The following AR variants were observed in gnomAD, a reference collection of about 807,000 sequenced individuals.
AR encodes androgen receptor.
Under a neutral mutation model 53.9 loss-of-function variants are expected in AR, and 8 were observed. The observed-to-expected ratio is 0.15, with a 90% CI of 0.09 to 0.27. The LOEUF (loss-of-function observed/expected upper bound fraction) is 0.27, where lower values mean the gene tolerates loss of function less well. Among genes scored for constraint, AR ranks in the 10% least tolerant of loss-of-function variants. AR has a pLI of 1.00. For synonymous variants in AR, 359 were observed against 316.4 expected (o/e 1.13, Z -1.43); for missense variants, 639 against 742.5 (o/e 0.86, Z 1.62).
At chrX:67,630,791 C>G (rs1345691869) in intron 1 of AR, among the ~76,000 whole-genome samples, 1 of 110,516 alleles carries the variant, frequency 9.0e-6, no homozygotes, top group Non-Finnish European at 1.9e-5. Flanking sequence ...TCGTTCCTTT[C>G]CATGTTTAGT....
chrX:67,566,842 A>G lies in AR; in HGVS notation c.1616+20080A>G, dbSNP rs1921577990. 2.7e-5 allele frequency among the ~76,000 whole-genome samples: 3 copies of G among 111,403 alleles called. No homozygotes were observed. In the Admixed American group the frequency reaches 2.9e-4, roughly 11 times the overall value. On this transcript the variant is annotated intron_variant, in intron 1 of 7. Coordinates refer to ENST00000374690, the MANE Select transcript of AR (RefSeq NM_000044.6). ...CTTTTTGAGCATTTACCTGTCAGTG[A>G]CAGGTACAATGTTAGATGTTGTCTC...
Position 67,726,732 on chromosome X carries a change from G to A in AR, c.*2891G>A. The A allele has an allele frequency of 5.7e-6, 1 of 175,462 alleles. No individual in the cohort carries two copies. The allele number at this position is 175,462 out of a possible 1,213,427, so 14.5% of individuals were successfully genotyped here. ...CTCTGTTCTCCCATGGATGAAAGGA[G>A]GAGGATTTTTTTTTTCTTTTGGCCA... On this transcript the variant is annotated 3_prime_UTR_variant, in exon 8 of 8. Transcript: ENST00000374690.
chrX:67,718,390 A>AT (rs2076122205), intron 5 of AR, among the ~76,000 whole-genome samples: 1 of 111,286 alleles, frequency 9.0e-6, no homozygotes, highest in South Asian at 3.8e-4. Flanking sequence ...AGTGGCTCAG[A>AT]TTTTGGAATT....
chrX:67,688,487 G>A (rs1057473850), intron 3 of AR, among the ~76,000 whole-genome samples: 1 of 111,499 alleles, frequency 9.0e-6, no homozygotes, highest in African/African-American at 3.3e-5. Flanking sequence ...TAATTTAGCT[G>A]GAAAGTCTGT....
Position 67,723,667 on chromosome X carries a change from C to A in AR, c.2608-19C>A, listed in dbSNP as rs767062888. The A allele has an allele frequency of 8.3e-7, 1 of 1,209,247 alleles. No individual in the cohort carries two copies. Among genetic ancestry groups the A allele is most frequent in the South Asian group, 1.8e-5 (1 of 56,845 alleles). Reference sequence around the variant, plus strand: ...CTCCTTGTCAACCCTGTTTTTCTCCCTCTTATTGTTCCCTACAGATTGCGA... The same window carrying A: ...CTCCTTGTCAACCCTGTTTTTCTCCATCTTATTGTTCCCTACAGATTGCGA... On this transcript the variant is annotated intron_variant, in intron 7 of 7. Transcript: ENST00000374690.
chrX:67,629,727 G>T (rs1291712405), intron 1 of AR, among the ~76,000 whole-genome samples: 2 of 109,120 alleles, frequency 1.8e-5, no homozygotes, highest in Non-Finnish European at 3.8e-5. Context: ...TAATTGTGAT[G>T]TTAGGGTGTC....
At chrX:67,665,371 C>T (rs1157416492) in intron 2 of AR, among the ~76,000 whole-genome samples, 3 of 112,485 alleles carry the variant, frequency 2.7e-5, no homozygotes, top group African/African-American at 6.5e-5. Flanking sequence ...AATGAACTCT[C>T]ATTCATCAAA....
intron 3 of AR, among the ~76,000 whole-genome samples, chrX:67,698,616 A>T (rs2076030524): frequency 8.9e-6 from 1 of 112,791 alleles, no homozygotes; most frequent in Admixed American, 9.4e-5. Flanking sequence ...CTTCACAAAG[A>T]ATTTGTAGCC....
At chrX:67,667,797 T>A (rs944111748) in intron 2 of AR, among the ~76,000 whole-genome samples, 2 of 110,635 alleles carry the variant, frequency 1.8e-5, no homozygotes. Context: ...CTAAGTTTAT[T>A]GCTAGGTATT....
At chrX:67,591,897 G>A (rs1316540511) in intron 1 of AR, among the ~76,000 whole-genome samples, 3 of 111,959 alleles carry the variant, frequency 2.7e-5, no homozygotes, top group Non-Finnish European at 3.8e-5. Context: ...AATGACTAAA[G>A]AACAGTTACC....
chrX:67,593,243 C>T (rs1922917880), intron 1 of AR, among the ~76,000 whole-genome samples: 1 of 111,841 alleles, frequency 8.9e-6, no homozygotes, highest in South Asian at 3.7e-4. Flanking sequence ...GAAACAGACC[C>T]TTATCTTTAC....
At chrX:67,578,133 T>A (rs1248695800) in intron 1 of AR, among the ~76,000 whole-genome samples, 2 of 111,349 alleles carry the variant, frequency 1.8e-5, no homozygotes, top group Non-Finnish European at 3.8e-5. Flanking sequence ...TTGTGTTGTG[T>A]TTTTTTTACT....
chrX:67,609,010 C>T (rs1602189460), intron 1 of AR, among the ~76,000 whole-genome samples: 1 of 110,286 alleles, frequency 9.1e-6, no homozygotes, highest in Middle Eastern at 4.8e-3. Context: ...GTTAAATACT[C>T]AATAGCCACA....
rs192482849 is a variant in AR at position 67,590,565 on chromosome X, G to A, written c.1616+43803G>A. 5.0e-3 allele frequency among the ~76,000 whole-genome samples: 559 copies of A among 112,012 alleles called. 1 individual carries two copies. The highest frequency in any genetic ancestry group is 8.1e-3 in the Non-Finnish European group (431 of 53,178). On this transcript the variant is annotated intron_variant, in intron 1 of 7. Transcript: ENST00000374690. ...AAGGCATTTGTAAATGGTAAAATGA[G>A]ATTATGATTTTGAAAGCTATTATTA...
chrX:67,590,306 A>G (rs996459731), intron 1 of AR, among the ~76,000 whole-genome samples: 13 of 111,203 alleles, frequency 1.2e-4, no homozygotes. Context: ...CACATATATC[A>G]CTGGAAAAGA....
intron 3 of AR, among the ~76,000 whole-genome samples, chrX:67,710,945 G>A (rs1001782426): frequency 4.5e-5 from 5 of 112,260 alleles, no homozygotes; most frequent in African/African-American, 1.6e-4. Flanking sequence ...CCAGTCCAAC[G>A]TTTTCTAGAA....
chrX:67,695,807 A>ACT (rs758632822), intron 3 of AR: 38 of 666,691 alleles, frequency 5.7e-5, no homozygotes, highest in East Asian at 1.8e-4. Flanking sequence ...ACACACACAC[A>ACT]CTCTCTCTCT....
intron 1 of AR, among the ~76,000 whole-genome samples, chrX:67,603,174 T>C (rs1923461205): frequency 8.9e-6 from 1 of 111,856 alleles, no homozygotes; most frequent in South Asian, 3.8e-4. Context: ...CATATGCCTG[T>C]TATTCTACTG....
At chrX:67,615,951 T>C (rs1158725918) in intron 1 of AR, among the ~76,000 whole-genome samples, 1 of 111,646 alleles carries the variant, frequency 9.0e-6, no homozygotes, top group African/African-American at 3.2e-5. Flanking sequence ...AAACACATTG[T>C]TTTATTAGTA....
Sources: gnomAD v4.1 joint callset for allele counts (sites outside exome capture counted in the v4.1 genomes callset) on GRCh38, gnomAD v4.1.1 for gene constraint, MANE v1.5 for transcripts, NCBI Gene and HGNC (gene_info 2026-07-23, HGNC 2026-07-21) for gene names.